Variants in TTC22 observed in about 807,000 individuals in gnomAD.
TTC22 encodes the protein tetratricopeptide repeat domain 22, also known as tetratricopeptide repeat protein 22.
TTC22 carries 42 observed loss-of-function variants against 48.2 expected under a neutral mutation model. The ratio of observed to expected loss-of-function variants is 0.87; its 90% CI spans 0.68 to 1.13. The LOEUF (loss-of-function observed/expected upper bound fraction) is 1.13, where lower values mean the gene tolerates loss of function less well. Ranked by LOEUF, TTC22 falls within the 50% of genes most tolerant of loss-of-function variation. The pLI is 0.00. For synonymous variants in TTC22, 345 were observed against 365.5 expected, an observed-to-expected ratio of 0.94 and a Z score of 0.64; for missense variants, 784 against 807.0, an observed-to-expected ratio of 0.97 and a Z score of 0.34.
chr1:54,787,282 T>A (rs1296463749), intron 3 of TTC22: 10 of 552,338 alleles, frequency 1.8e-5, no homozygotes, highest in Non-Finnish European at 3.2e-5. Flanking sequence ...GCTTATTCTG[T>A]GCTCAATGTG....
chr1:54,784,745 A>G (rs762231672), intron 5 of TTC22: 4 of 1,290,554 alleles, frequency 3.1e-6, no homozygotes, highest in Non-Finnish European at 4.1e-6. Flanking sequence ...TGTGGATAGT[A>G]GTGGAGAAGA....
At chr1:54,789,505 G>A (rs1646333517) in intron 1 of TTC22, among the ~76,000 whole-genome samples, 1 of 152,002 alleles carries the variant, frequency 6.6e-6, no homozygotes, top group Non-Finnish European at 1.5e-5. Context: ...GAAGGGAGGG[G>A]TCCTTGTGAG....
intron 1 of TTC22, 48 bp downstream of exon 1, chr1:54,800,549 A>G (rs1646425157): frequency 1.4e-6 from 2 of 1,386,838 alleles, no homozygotes; most frequent in Non-Finnish European, 1.9e-6. Flanking sequence ...GGACCATGGG[A>G]GGACCACAGT....
intron 1 of TTC22, among the ~76,000 whole-genome samples, chr1:54,797,906 A>T (rs1478247816): frequency 1.3e-5 from 2 of 152,094 alleles, no homozygotes; most frequent in Non-Finnish European, 2.9e-5. Flanking sequence ...ACAAGGATGG[A>T]AAATCTCTCG....
At chr1:54,786,225 A>G (rs1401665863) in intron 4 of TTC22, 81 bp from the exon 5 acceptor site, 4 of 1,344,854 alleles carry the variant, frequency 3.0e-6, no homozygotes, top group Non-Finnish European at 4.2e-6. Context: ...AACCACAGGA[A>G]CCCCATCTTT....
At position 54,780,145 on chromosome 1, in the gene TTC22, C is replaced by G. The variant is rs1357639317; in HGVS notation, c.*1098G>C. ...AAAAAAGGATTCTACGACTATGATT[C>G]CAAGAGTGTAAAATTCCAAGATGTT... On this transcript the variant is annotated 3_prime_UTR_variant, in exon 7 of 7. Transcript: ENST00000371276. The G allele has an allele frequency of 1.3e-5, 2 of 151,966 alleles. No homozygotes were observed. The highest frequency in any genetic ancestry group is 4.8e-5 in the African/African-American group (2 of 41,362). 9.4% of individuals were successfully genotyped at this position (151,966 alleles called of 1,614,324 possible). A position where few individuals can be genotyped will look rare whatever the true frequency, so the allele number is the denominator to read the frequency against.
chr1:54,801,098 C>T lies in TTC22; in HGVS notation c.66G>A (p.Pro22=), dbSNP rs1646434215. ...DALIDDLDYL[P]GHFHLEMQLN... is the part of the protein sequence containing the mutation. ...ACTGCATCTCCAGGTGAAAGTGGCCCGGGAGGTAGTCCAGGTCGTCGATGA... is the reference window on the plus strand; with the variant it reads ...ACTGCATCTCCAGGTGAAAGTGGCCTGGGAGGTAGTCCAGGTCGTCGATGA... Residue 22 remains proline (P), a synonymous_variant, in exon 1 of 7, where the codon CCG becomes CCA. Transcript: ENST00000371276. 6.2e-7 allele frequency: 1 copy of T among 1,611,780 alleles called. No homozygotes were observed. Among genetic ancestry groups the T allele is most frequent in the Non-Finnish European group, 8.5e-7 (1 of 1,179,152 alleles).
chr1:54,800,708 C>T lies in TTC22; in HGVS notation c.456G>A (p.Glu152=). The T allele has an allele frequency of 6.5e-7, 1 of 1,545,902 alleles. No homozygotes were observed. Among genetic ancestry groups the T allele is most frequent in the East Asian group, 2.4e-5 (1 of 41,326 alleles). Reference sequence around the variant, plus strand: ...CGTCGAAGCCATGCGCGTAGCCCTGCTCGGCCAGGCAGCGAGCGGCGCGGA... The same window carrying T: ...CGTCGAAGCCATGCGCGTAGCCCTGTTCGGCCAGGCAGCGAGCGGCGCGGA... The part of the protein sequence containing the change: ...PQLRAARCLA[E]QGYAHGFDVG... The change falls in exon 1 of 7, where the codon GAG becomes GAA. Residue 152 remains glutamate, a synonymous_variant. Transcript: ENST00000371276.
At chr1:54,788,488 G>C (rs981182587) in intron 1 of TTC22, among the ~76,000 whole-genome samples, 2 of 151,670 alleles carry the variant, frequency 1.3e-5, no homozygotes, top group African/African-American at 4.8e-5. Flanking sequence ...AAGTCCCTTT[G>C]GTCATGTTAA....
rs968447682 is a variant in TTC22, at chr1:54,801,247, C to T, written c.-84G>A. 7.7e-6 allele frequency: 11 copies of T among 1,422,196 alleles called. No homozygotes were observed. Among genetic ancestry groups the T allele is most frequent in the Admixed American group, 4.7e-5 (2 of 42,604 alleles). The allele number at this position is 1,422,196 out of a possible 1,614,324, so 88.1% of individuals were successfully genotyped here. A position where few individuals can be genotyped will look rare whatever the true frequency, so the allele number is the denominator to read the frequency against. On this transcript the variant is annotated 5_prime_UTR_variant, in exon 1 of 7. Transcript: ENST00000371276. ...GATGGGGGCGTTCCCCGAGCGAGCT[C>T]CGTGCGGGAGGCGAGGGGCAGCCGG...
At chr1:54,783,866 G>T (rs547116174) in intron 5 of TTC22, among the ~76,000 whole-genome samples, 124 of 152,298 alleles carry the variant, frequency 8.1e-4, no homozygotes, top group Non-Finnish European at 1.6e-3. Context: ...GGCGGGTGTT[G>T]TGGTGCACAC....
chr1:54,800,964 G>C lies in TTC22; in HGVS notation c.200C>G (p.Ala67Gly), dbSNP rs1176415061. The change falls in exon 1 of 7, where the codon GCT becomes GGT. Residue 67 changes from alanine to glycine, a missense_variant. By Grantham distance (60) the Ala-to-Gly change is moderately conservative. Coordinates refer to ENST00000371276, the MANE Select transcript of TTC22 (RefSeq NM_001114108.2). ...LQLAAAPQRP[A>G]VRHLLGAFAF... is the part of the protein sequence containing the mutation. ...GAAAGCGCCCAGGAGGTGACGCACA[G>C]CGGGGCGCTGCGGGGCGGCCGCCAG... 1 of 1,601,722 alleles carries C rather than the reference G, an allele frequency of 6.2e-7. No homozygotes were observed. The highest frequency in any genetic ancestry group is 1.1e-5 in the South Asian group (1 of 90,350).
chr1:54,794,556 G>A (rs986662158), intron 1 of TTC22, among the ~76,000 whole-genome samples: 3 of 152,172 alleles, frequency 2.0e-5, no homozygotes, highest in African/African-American at 7.2e-5. Flanking sequence ...CCTGATGACA[G>A]GCTGTCCTCT....
At chr1:54,799,272 C>T (rs993151700) in intron 1 of TTC22, among the ~76,000 whole-genome samples, 1 of 152,200 alleles carries the variant, frequency 6.6e-6, no homozygotes, top group Admixed American at 6.5e-5. Context: ...TGTTCACTCA[C>T]TGGGGAATCC....
At chr1:54,785,915 TC>T (rs1378242905) in intron 5 of TTC22, 67 bp downstream of exon 5, 2 of 1,508,982 alleles carry the variant, frequency 1.3e-6, no homozygotes, top group African/African-American at 2.8e-5. Context: ...GGCAACAGGG[TC>T]TTGGCCTCTG....
At chr1:54,789,066 A>T (rs753458920) in intron 1 of TTC22, among the ~76,000 whole-genome samples, 4 of 152,356 alleles carry the variant, frequency 2.6e-5, no homozygotes, top group Non-Finnish European at 5.9e-5. Context: ...TCCACATTTT[A>T]TAGTGGAACA....
At position 54,780,559 on chromosome 1, in the gene TTC22, GA is replaced by G. The variant is rs1352028911; in HGVS notation, c.*683del. The G allele has an allele frequency of 6.6e-6, 1 of 151,506 alleles. No individual in the cohort carries two copies. Among genetic ancestry groups the G allele is most frequent in the Non-Finnish European group, 1.5e-5 (1 of 67,950 alleles). The allele number at this position is 151,506 out of a possible 1,614,324, so 9.4% of individuals were successfully genotyped here. On this transcript the variant is annotated 3_prime_UTR_variant, in exon 7 of 7. Coordinates refer to ENST00000371276, the MANE Select transcript of TTC22 (RefSeq NM_001114108.2). Reference sequence around the variant, plus strand: ...GGGTGGCGCCCTTAGTTTCCCCCAAGAAGAGGGAAATCAAGTGAAGGTTCTA... The same window carrying G: ...GGGTGGCGCCCTTAGTTTCCCCCAAGAGAGGGAAATCAAGTGAAGGTTCTA...
intron 1 of TTC22, among the ~76,000 whole-genome samples, chr1:54,791,828 T>C (rs1646354090): frequency 6.6e-6 from 1 of 152,134 alleles, no homozygotes; most frequent in Non-Finnish European, 1.5e-5. Context: ...CCACAGTACA[T>C]GATAGAGCTG....
chr1:54,794,035 C>T (rs775746834), intron 1 of TTC22, among the ~76,000 whole-genome samples: 18 of 152,238 alleles, frequency 1.2e-4, no homozygotes, highest in Non-Finnish European at 2.5e-4. Context: ...GAATCTAAAA[C>T]TCTGGGGTGG....
Sources: allele counts gnomAD v4.1 joint callset (sites outside exome capture counted in the v4.1 genomes callset), GRCh38; gene constraint gnomAD v4.1.1; transcripts MANE v1.5; gene names NCBI Gene and HGNC (gene_info 2026-07-23, HGNC 2026-07-21).